The following ZNF596 variants were observed in gnomAD, a reference collection of about 807,000 sequenced individuals.
The protein encoded by ZNF596 is zinc finger protein 596.
Under a neutral mutation model 48.3 loss-of-function variants are expected in ZNF596, and 45 were observed. The ratio of observed to expected loss-of-function variants is 0.93; its 90% confidence interval spans 0.73 to 1.19. ZNF596 has a LOEUF of 1.19. ZNF596 is among the 50% of genes most tolerant of loss of function. The probability of loss-of-function intolerance (pLI) is 0.00; values close to 1 mark genes in which losing one functional copy is unlikely to be tolerated. For synonymous variants in ZNF596, 270 were observed against 202.0 expected, an observed-to-expected ratio of 1.34 and a Z score of -2.85; for missense variants, 848 against 599.7, an observed-to-expected ratio of 1.41 and a Z score of -4.32.
At chr8:238,090 C>G (rs1796691238) in intron 1 of ZNF596, among the ~76,000 whole-genome samples, 2 of 152,190 alleles carry the variant, frequency 1.3e-5, no homozygotes, top group Admixed American at 6.5e-5. Flanking sequence ...CAGTCTAGCA[C>G]CCACCTTTAG....
intron 1 of ZNF596, among the ~76,000 whole-genome samples, chr8:235,621 T>G (rs1796587266): frequency 6.6e-6 from 1 of 152,224 alleles, no homozygotes; most frequent in Non-Finnish European, 1.5e-5. Flanking sequence ...TTGATGTATA[T>G]TAGATGCTAT....
chr8:233,873 G>A (rs970876733), intron 1 of ZNF596, among the ~76,000 whole-genome samples: 2 of 152,148 alleles, frequency 1.3e-5, no homozygotes, highest in Non-Finnish European at 2.9e-5. Flanking sequence ...GAAATCTTTA[G>A]GGGGCAGGGA....
intron 1 of ZNF596, 181 bp from the exon 2 acceptor site, chr8:240,643 T>G (rs1198057119): frequency 2.0e-6 from 1 of 499,604 alleles, no homozygotes; most frequent in African/African-American, 1.9e-5. Context: ...AATATTTATA[T>G]CTTTATTAGC....
Position 246,036 on chromosome 8 carries a change from G to T in ZNF596, c.1189G>T (p.Gly397Trp). ...GAAACCATATGAGTGCCATGTATGT[G>T]GGAAAGCCTTCACTGAATCTTCTGA... ...GEKPYECHVC[G>W]KAFTESSDLR... The change falls in exon 6 of 6, where the codon GGG becomes TGG. Residue 397 changes from glycine (G) to tryptophan (W), a missense_variant. Coordinates refer to ENST00000398612, the MANE Select transcript of ZNF596 (RefSeq NM_001042416.3). The T allele has an allele frequency of 1.2e-6, 2 of 1,614,154 alleles. No individual in the cohort carries two copies. The highest frequency in any genetic ancestry group is 1.7e-6 in the Non-Finnish European group (2 of 1,180,026).
chr8:236,947 A>C (rs1325785316), intron 1 of ZNF596: 3 of 152,220 alleles, frequency 2.0e-5, no homozygotes, highest in African/African-American at 7.2e-5. Context: ...TTCTCCTTCA[A>C]AATAACTTAG....
intron 2 of ZNF596, among the ~76,000 whole-genome samples, chr8:241,633 G>A (rs1209831640): frequency 6.6e-6 from 1 of 152,152 alleles, no homozygotes; most frequent in African/African-American, 2.4e-5. Context: ...AAAACTCTGA[G>A]GAAATTTTTG....
intron 1 of ZNF596, among the ~76,000 whole-genome samples, chr8:239,942 T>C (rs190286227): frequency 5.5e-4 from 84 of 152,272 alleles, no homozygotes; most frequent in African/African-American, 1.8e-3. Context: ...GAAGACACTC[T>C]TATCACCTAT....
At chr8:240,774 CA>C in intron 1 of ZNF596, 49 bp from the exon 2 acceptor site, 1 of 1,274,620 alleles carries the variant, frequency 7.8e-7, no homozygotes. Flanking sequence ...ATGTTAGAAG[CA>C]AAACTGGAGT....
intron 3 of ZNF596, 93 bp downstream of exon 3, chr8:243,106 G>C: frequency 8.2e-7 from 1 of 1,219,468 alleles, no homozygotes; most frequent in Non-Finnish European, 1.1e-6. Flanking sequence ...CACGTGCTTA[G>C]AACAGCTTTC....
intron 2 of ZNF596, among the ~76,000 whole-genome samples, chr8:241,805 A>G (rs1195870143): frequency 6.6e-6 from 1 of 152,192 alleles, no homozygotes; most frequent in East Asian, 1.9e-4. Flanking sequence ...AGTTTAACTG[A>G]CTGACAGTTC....
chr8:245,021 T>G, intron 5 of ZNF596, 133 bp from the exon 6 acceptor site: 1 of 1,123,244 alleles, frequency 8.9e-7, no homozygotes, highest in South Asian at 1.7e-5. Flanking sequence ...TTTGTATAAC[T>G]GATATAGGAA....
intron 4 of ZNF596, 170 bp downstream of exon 4, chr8:243,975 C>T (rs1286678249): frequency 4.2e-6 from 2 of 474,672 alleles, no homozygotes; most frequent in East Asian, 4.2e-5. Flanking sequence ...GCAACCTCTG[C>T]TTCCCAGATT....
In ZNF596 at chr8:245,707, C is replaced by T; in HGVS notation, c.860C>T (p.Ala287Val). ...KAQICHLCGK[A>V]FTHCSDLRKH... The stretch of plus-strand genomic sequence containing the variant: ...CAGATATGCCATCTATGTGGGAAAG[C>T]CTTCACTCATTGCTCTGACCTTAGA... The change falls in exon 6 of 6, where the codon GCC becomes GTC. Residue 287 changes from alanine (A) to valine (V), a missense_variant. Coordinates refer to ENST00000398612, the MANE Select transcript of ZNF596 (RefSeq NM_001042416.3). 1.2e-6 allele frequency: 2 copies of T among 1,614,114 alleles called. No homozygotes were observed. The highest frequency in any genetic ancestry group is 1.7e-6 in the Non-Finnish European group (2 of 1,180,022).
At position 244,707 on chromosome 8, in the gene ZNF596, C is replaced by T. The variant is rs775705674; in HGVS notation, c.306+6C>T. The T allele has an allele frequency of 2.5e-6, 4 of 1,607,100 alleles. No individual in the cohort carries two copies. The highest frequency in any genetic ancestry group is 3.4e-6 in the Non-Finnish European group (4 of 1,176,670). ...CGTCCACCATCAGCACAATGGTAAGCTTTATGGATGCAAACCCTGTTCTTA... is the reference window on the plus strand; with the variant it reads ...CGTCCACCATCAGCACAATGGTAAGTTTTATGGATGCAAACCCTGTTCTTA... On this transcript the variant is annotated splice_donor_region_variant and intron_variant, in intron 5 of 5. Transcript: ENST00000398612.
chr8:238,328 A>C (rs1162966541), intron 1 of ZNF596, among the ~76,000 whole-genome samples: 2 of 152,076 alleles, frequency 1.3e-5, no homozygotes, highest in Non-Finnish European at 2.9e-5. Flanking sequence ...AAAGGAGAGT[A>C]ATGAAATATG....
Position 244,616 on chromosome 8 carries a change from C to A in ZNF596, c.224-3C>A. On this transcript the variant is annotated splice_region_variant and splice_polypyrimidine_tract_variant and intron_variant, in intron 4 of 5. Coordinates refer to ENST00000398612, the MANE Select transcript of ZNF596 (RefSeq NM_001042416.3). The stretch of plus-strand genomic sequence containing the variant: ...AGCATCTTTTTTTTTTCATTTATTT[C>A]AGGTAGAGAAGTTGGCATTAAACAT... 1.9e-6 allele frequency: 3 copies of A among 1,586,908 alleles called. No individual in the cohort carries two copies. The highest frequency in any genetic ancestry group is 2.6e-6 in the Non-Finnish European group (3 of 1,165,178).
chr8:243,006 C>G lies in ZNF596; in HGVS notation c.132C>G (p.Val44=), dbSNP rs199974181. 3 of 1,611,492 alleles carry G rather than the reference C, an allele frequency of 1.9e-6. No individual in the cohort carries two copies. Among genetic ancestry groups the G allele is most frequent in the Non-Finnish European group, 1.7e-6 (2 of 1,178,108 alleles). The part of the protein sequence containing the change: ...DVMLENISHL[V]SIGKQLCKSV... ...TGTTGGAGAACATCAGTCATCTGGT[C>G]TCTATTGGTGAGTCTCTTTATATTT... The change falls in exon 3 of 6, where the codon GTC becomes GTG. Residue 44 remains valine, a synonymous_variant. Transcript: ENST00000398612.
intron 1 of ZNF596, 115 bp downstream of exon 1, chr8:232,809 C>T: frequency 4.6e-6 from 2 of 433,046 alleles, no homozygotes; most frequent in Non-Finnish European, 9.5e-6. Flanking sequence ...GCTTCCCCAT[C>T]CTTCCCTCCG....
intron 1 of ZNF596, chr8:233,140 G>A (rs991436514): frequency 2.1e-6 from 1 of 467,920 alleles, no homozygotes; most frequent in African/African-American, 2.1e-5. Context: ...AAGTGGATGG[G>A]TCTGAGGAAT....
Sources: allele counts gnomAD v4.1 joint callset (sites outside exome capture counted in the v4.1 genomes callset), GRCh38; gene constraint gnomAD v4.1.1; transcripts MANE v1.5; gene names NCBI Gene and HGNC (gene_info 2026-07-23, HGNC 2026-07-21).